The following AGMO variants were observed in gnomAD, a reference collection of about 807,000 sequenced individuals.
AGMO encodes the protein alkylglycerol monooxygenase.
A neutral mutation model predicts 60.2 loss-of-function variants in AGMO; 75 were observed. The observed-to-expected ratio is 1.25, with a 90% confidence interval of 1.03 to 1.51. The LOEUF (loss-of-function observed/expected upper bound fraction) is 1.51, where lower values mean the gene tolerates loss of function less well. AGMO is among the 40% of genes most tolerant of loss of function. The probability of loss-of-function intolerance (pLI) is 0.00; values close to 1 mark genes in which losing one functional copy is unlikely to be tolerated. For missense variants in AGMO, 763 were observed against 525.5 expected, an observed-to-expected ratio of 1.45 and a Z score of -4.42; for synonymous variants, 261 against 177.1, an observed-to-expected ratio of 1.47 and a Z score of -3.76.
At chr7:15,303,246 A>G (rs1780503338) in intron 12 of AGMO, among the ~76,000 whole-genome samples, 1 of 152,170 alleles carries the variant, frequency 6.6e-6, no homozygotes, top group African/African-American at 2.4e-5. Context: ...AGAATGGTAC[A>G]TTCAAATTAT....
At chr7:15,355,690 C>T (rs563350157) in intron 12 of AGMO, among the ~76,000 whole-genome samples, 1 of 151,964 alleles carries the variant, frequency 6.6e-6, no homozygotes, top group South Asian at 2.1e-4. Context: ...AAATTGATGT[C>T]TATCTGAATT....
chr7:15,503,367 G>A (rs1044769794), intron 3 of AGMO, among the ~76,000 whole-genome samples: 2 of 151,984 alleles, frequency 1.3e-5, no homozygotes, highest in African/African-American at 4.8e-5. Context: ...CTTAAAAGAT[G>A]AATACATTAT....
chr7:15,489,797 C>A (rs539454423), intron 3 of AGMO, among the ~76,000 whole-genome samples: 2 of 152,150 alleles, frequency 1.3e-5, no homozygotes, highest in African/African-American at 4.8e-5. Flanking sequence ...TAGCATACTT[C>A]AAAAAGTTGA....
intron 12 of AGMO, among the ~76,000 whole-genome samples, chr7:15,309,498 C>T (rs796656340): frequency 9.9e-5 from 15 of 152,096 alleles, no homozygotes; most frequent in African/African-American, 3.6e-4. Flanking sequence ...TCTCCATTTC[C>T]CCTAAGCGTC....
chr7:15,258,422 G>A (rs1245392759), intron 12 of AGMO, among the ~76,000 whole-genome samples: 2 of 151,896 alleles, frequency 1.3e-5, no homozygotes, highest in African/African-American at 2.4e-5. Flanking sequence ...GCAGGCGCCT[G>A]TAGTCCCAGC....
chr7:15,483,207 T>C (rs1197236145), intron 3 of AGMO, among the ~76,000 whole-genome samples: 2 of 152,164 alleles, frequency 1.3e-5, no homozygotes, highest in Admixed American at 6.5e-5. Context: ...ACAAGTTCAA[T>C]ATCCAAAAAT....
rs1398517516 is a variant in AGMO, at chr7:15,327,736, CTTTCTTTTTT to C, written c.1263+37768_1263+37777del. 7.2e-5 allele frequency among the ~76,000 whole-genome samples: 8 copies of C among 111,244 alleles called. No individual in the cohort carries two copies. The South Asian group carries it at 9.0e-4, about 13-fold the overall frequency. 73.0% of individuals were successfully genotyped at this position (111,244 alleles called of 152,430 possible). A position where few individuals can be genotyped will look rare whatever the true frequency, so the allele number is the denominator to read the frequency against. Reference sequence around the variant, plus strand: ...TCATGAAAAAATGATAAACTGATTTCTTTCTTTTTTTTTTTTTTTTTTTTTTTTTGAGACA... The same window carrying C: ...TCATGAAAAAATGATAAACTGATTTCTTTTTTTTTTTTTTTTTTTGAGACA... On this transcript the variant is annotated intron_variant, in intron 12 of 12. Coordinates refer to ENST00000342526, the MANE Select transcript of AGMO (RefSeq NM_001004320.2).
At chr7:15,320,902 G>A (rs911187997) in intron 12 of AGMO, among the ~76,000 whole-genome samples, 13 of 152,080 alleles carry the variant, frequency 8.5e-5, no homozygotes, top group African/African-American at 3.1e-4. Context: ...AAACAATAAA[G>A]TTTAACTGTT....
intron 12 of AGMO, among the ~76,000 whole-genome samples, chr7:15,225,549 T>A (rs1487265105): frequency 6.6e-6 from 1 of 151,992 alleles, no homozygotes; most frequent in East Asian, 1.9e-4. Flanking sequence ...TACATCTCAT[T>A]ACACCTACAT....
chr7:15,360,330 C>T (rs1017868164), intron 12 of AGMO, among the ~76,000 whole-genome samples: 1 of 152,118 alleles, frequency 6.6e-6, no homozygotes, highest in African/African-American at 2.4e-5. Context: ...GGGGCCAACC[C>T]CCCGTGCGGT....
chr7:15,353,531 T>C (rs912354502), intron 12 of AGMO, among the ~76,000 whole-genome samples: 1 of 152,076 alleles, frequency 6.6e-6, no homozygotes, highest in East Asian at 1.9e-4. Flanking sequence ...CAAGACTAAA[T>C]GAAACAAAAC....
At chr7:15,459,598 T>TG (rs201069463) in intron 3 of AGMO, among the ~76,000 whole-genome samples, 55,037 of 145,558 alleles carry the variant, frequency 0.38, 11,266 homozygotes, top group Non-Finnish European at 0.48. Flanking sequence ...TGTATGTGCG[T>TG]TTGTGTGTGT....
chr7:15,132,117 C>G, the AGMO span, among the ~76,000 whole-genome samples: 1 of 151,988 alleles, frequency 6.6e-6, no homozygotes, highest in Non-Finnish European at 1.5e-5. Flanking sequence ...ACAGAAGATA[C>G]CATGCAGCAC....
intron 12 of AGMO, among the ~76,000 whole-genome samples, chr7:15,347,268 C>A (rs908149938): frequency 6.6e-6 from 1 of 152,046 alleles, no homozygotes. Flanking sequence ...TCTTCACTAA[C>A]CGTGTAACTG....
intron 12 of AGMO, among the ~76,000 whole-genome samples, chr7:15,339,523 A>C (rs541919413): frequency 6.6e-6 from 1 of 152,354 alleles, no homozygotes; most frequent in South Asian, 2.1e-4. Context: ...AGTCTGCTCC[A>C]AACTTTGTCA....
chr7:15,222,584 G>A (rs886785574), intron 12 of AGMO, among the ~76,000 whole-genome samples: 5 of 151,970 alleles, frequency 3.3e-5, no homozygotes, highest in African/African-American at 7.2e-5. Flanking sequence ...CTTTATAGAA[G>A]AAACTGTTAT....
rs1780781643 is a variant in AGMO at position 15,312,014 on chromosome 7, T to C, written c.1263+53500A>G. Among the ~76,000 whole-genome samples, 3 of 151,782 alleles carry C rather than the reference T, an allele frequency of 2.0e-5. No individual in the cohort carries two copies. In the South Asian group the frequency reaches 6.2e-4, roughly 32 times the overall value. ...TGAAGAAAGCATTTGTGAGCTGTTA[T>C]GAAACTCTCCAAATGCATCACTGGG... On this transcript the variant is annotated intron_variant, in intron 12 of 12. Coordinates refer to ENST00000342526, the MANE Select transcript of AGMO (RefSeq NM_001004320.2).
chr7:15,139,191 T>C, the AGMO span, among the ~76,000 whole-genome samples: 6 of 152,336 alleles, frequency 3.9e-5, no homozygotes, highest in East Asian at 1.2e-3. Context: ...TTCTGAGTTC[T>C]CTAAAACGGT....
intron 12 of AGMO, among the ~76,000 whole-genome samples, chr7:15,263,330 G>A (rs1261796751): frequency 6.6e-6 from 1 of 151,844 alleles, no homozygotes; most frequent in Non-Finnish European, 1.5e-5. Context: ...GAAAAAAAAT[G>A]TTCAACATCA....
Sources: gnomAD v4.1 joint callset for allele counts (sites outside exome capture counted in the v4.1 genomes callset) on GRCh38, gnomAD v4.1.1 for gene constraint, MANE v1.5 for transcripts, NCBI Gene and HGNC (gene_info 2026-07-23, HGNC 2026-07-21) for gene names.